The following MID2 variants were observed in gnomAD, a reference collection of about 807,000 sequenced individuals.
MID2 encodes probable E3 ubiquitin-protein ligase MID2.
A neutral mutation model predicts 46.1 loss-of-function variants in MID2; 13 were observed. That is an observed-to-expected ratio of 0.28 (90% CI 0.18 to 0.45). MID2 has a LOEUF of 0.45. MID2 is among the 20% of genes least tolerant of loss of function. MID2 has a pLI of 1.00. For synonymous variants in MID2, 199 were observed against 212.3 expected (o/e 0.94, Z 0.55); for missense variants, 431 against 575.4 (o/e 0.75, Z 2.57).
intron 8 of MID2, among the ~76,000 whole-genome samples, chrX:107,925,667 C>T (rs1933160227): frequency 9.0e-6 from 1 of 111,468 alleles, no homozygotes; most frequent in Non-Finnish European, 1.9e-5. Flanking sequence ...TAAAATCTAC[C>T]CAAATCCCAA....
intron 2 of MID2, among the ~76,000 whole-genome samples, chrX:107,846,107 AT>A (rs1465773832): frequency 9.0e-6 from 1 of 111,005 alleles, no homozygotes; most frequent in Non-Finnish European, 1.9e-5. Context: ...GGAGGGGGCC[AT>A]GAGTGTAAGG....
At chrX:107,837,681 A>G (rs1174982655) in intron 1 of MID2, among the ~76,000 whole-genome samples, 1 of 110,913 alleles carries the variant, frequency 9.0e-6, no homozygotes. Flanking sequence ...GTAAGGGAAA[A>G]GAGCACAGGC....
At position 107,900,187 on chromosome X, in the gene MID2, A is replaced by C. The variant is rs182694840; in HGVS notation, c.817-3771A>C. On this transcript the variant is annotated intron_variant, in intron 3 of 9. Transcript: ENST00000262843. ...ATCTCCCCTGATGTGACTGTCCAAA[A>C]AACATTCCCACCCTAGCTCCCTCAT... Among the ~76,000 whole-genome samples the C allele has an allele frequency of 3.8e-3, 425 of 111,369 alleles. 3 individuals carry two copies. The highest frequency in any genetic ancestry group is 0.013 in the African/African-American group (410 of 30,674).
chrX:107,920,735 AT>A (rs1384701792), intron 7 of MID2, among the ~76,000 whole-genome samples: 1 of 112,191 alleles, frequency 8.9e-6, no homozygotes, highest in Admixed American at 9.5e-5. Context: ...TTTAGAAATG[AT>A]TTCAAAATCA....
intron 2 of MID2, among the ~76,000 whole-genome samples, chrX:107,844,194 C>T (rs1249756860): frequency 1.8e-5 from 2 of 110,971 alleles, no homozygotes; most frequent in Non-Finnish European, 3.8e-5. Context: ...GTCAGAATAA[C>T]CAGAAACTAG....
intron 3 of MID2, among the ~76,000 whole-genome samples, chrX:107,885,058 G>A (rs1016388302): frequency 2.7e-5 from 3 of 110,854 alleles, no homozygotes; most frequent in African/African-American, 9.9e-5. Flanking sequence ...AGCAGGTTGA[G>A]ATCCCTTCCC....
intron 2 of MID2, among the ~76,000 whole-genome samples, chrX:107,847,717 C>T (rs745549687): frequency 6.2e-4 from 69 of 111,312 alleles, no homozygotes; most frequent in Non-Finnish European, 1.1e-3. Context: ...GGCAAGCACC[C>T]GGATAGGTAT....
At chrX:107,845,300 T>C (rs916491431) in intron 2 of MID2, among the ~76,000 whole-genome samples, 46 of 111,519 alleles carry the variant, frequency 4.1e-4, no homozygotes, top group African/African-American at 1.4e-3. Flanking sequence ...CTGCCAAAAA[T>C]ATAGCTGATG....
chrX:107,890,637 T>C (rs1441412875), intron 3 of MID2, among the ~76,000 whole-genome samples: 2 of 112,234 alleles, frequency 1.8e-5, no homozygotes, highest in Non-Finnish European at 3.8e-5. Context: ...CACTCCTCTC[T>C]TCAAAGCTGT....
At chrX:107,880,999 CTAGA>C (rs1453487209) in intron 3 of MID2, among the ~76,000 whole-genome samples, 2 of 112,605 alleles carry the variant, frequency 1.8e-5, no homozygotes, top group Non-Finnish European at 3.8e-5. Context: ...TATTTATTTC[CTAGA>C]AGTGGAATTG....
chrX:107,898,358 A>G (rs1275335630), intron 3 of MID2, among the ~76,000 whole-genome samples: 1 of 111,688 alleles, frequency 9.0e-6, no homozygotes, highest in Non-Finnish European at 1.9e-5. Flanking sequence ...GCTTTTGCTC[A>G]TGCTATTCAT....
At position 107,841,245 on chromosome X, in the gene MID2, A is replaced by C. The variant is rs1931339517; in HGVS notation, c.580A>C (p.Thr194Pro). 1.7e-6 allele frequency: 2 copies of C among 1,211,288 alleles called. No individual in the cohort carries two copies. Among genetic ancestry groups the C allele is most frequent in the East Asian group, 5.9e-5 (2 of 33,820 alleles). Residue 194 changes from threonine to proline, a missense_variant, in exon 2 of 10, where the codon ACC becomes CCC. Coordinates refer to ENST00000262843, the MANE Select transcript of MID2 (RefSeq NM_012216.4). ...PVPDTHLRGI[T>P]CLDHENEKVN... Reference sequence around the variant, plus strand: ...GCCAGACACACATCTTCGAGGGATCACCTGCCTGGACCATGAGAATGAGAA... The same window carrying C: ...GCCAGACACACATCTTCGAGGGATCCCCTGCCTGGACCATGAGAATGAGAA...
Position 107,926,006 on chromosome X carries a change from C to A in MID2, c.1598-88C>A, listed in dbSNP as rs1006620378. ...AGAGTGATCATGTTATCGAGCATAC[C>A]CTGCCAGTGATGATGCTGGTGGAAA... On this transcript the variant is annotated intron_variant, in intron 8 of 9. Transcript: ENST00000262843. The A allele has an allele frequency of 4.1e-5, 27 of 660,963 alleles. No homozygotes were observed. In the South Asian group the frequency reaches 4.7e-4, roughly 12 times the overall value. The allele number at this position is 660,963 out of a possible 1,213,427, so 54.5% of individuals were successfully genotyped here. A position where few individuals can be genotyped will look rare whatever the true frequency, so the allele number is the denominator to read the frequency against.
At chrX:107,887,680 A>T (rs1318860704) in intron 3 of MID2, among the ~76,000 whole-genome samples, 2 of 111,649 alleles carry the variant, frequency 1.8e-5, no homozygotes, top group African/African-American at 6.5e-5. Context: ...TATTGATTGG[A>T]ATAGTTTCAG....
At chrX:107,872,708 A>T (rs767536672) in intron 3 of MID2, among the ~76,000 whole-genome samples, 1 of 112,268 alleles carries the variant, frequency 8.9e-6, no homozygotes, top group African/African-American at 3.2e-5. Context: ...TACCAGTATT[A>T]GGTCCACTGG....
At chrX:107,911,238 A>G (rs1292910512) in intron 5 of MID2, among the ~76,000 whole-genome samples, 1 of 110,685 alleles carries the variant, frequency 9.0e-6, no homozygotes, top group Non-Finnish European at 1.9e-5. Flanking sequence ...AGCTCTGGGA[A>G]ATGTTCTTGT....
intron 2 of MID2, among the ~76,000 whole-genome samples, chrX:107,845,525 A>ACACACACTCTCTCT (rs1276957001): frequency 7.8e-4 from 57 of 72,942 alleles, no homozygotes; most frequent in African/African-American, 4.1e-3. Flanking sequence ...ACACACACAC[A>ACACACACTCTCTCT]CTCTCTCTCT....
At chrX:107,888,942 A>C (rs6523982) in intron 3 of MID2, among the ~76,000 whole-genome samples, 13,838 of 110,304 alleles carry the variant, frequency 0.13, 2,152 homozygotes, top group African/African-American at 0.43. Flanking sequence ...AGGATTGCAG[A>C]CCCTGCCTTT....
intron 3 of MID2, among the ~76,000 whole-genome samples, chrX:107,868,997 C>T (rs767817285): frequency 1.8e-5 from 2 of 110,604 alleles, no homozygotes; most frequent in African/African-American, 6.6e-5. Flanking sequence ...TATTTTCCCC[C>T]CAGTTTGTCT....
Sources: gnomAD v4.1 joint callset for allele counts (sites outside exome capture counted in the v4.1 genomes callset) on GRCh38, gnomAD v4.1.1 for gene constraint, MANE v1.5 for transcripts, NCBI Gene and HGNC (gene_info 2026-07-23, HGNC 2026-07-21) for gene names.